The following WDR64 variants were observed in gnomAD, a reference collection of about 807,000 sequenced individuals.
WDR64 encodes the protein WD repeat domain 64, also known as WD repeat-containing protein 64.
WDR64 carries 112 observed loss-of-function variants against 139.3 expected under a neutral mutation model. That is an observed-to-expected ratio of 0.80 (90% CI 0.69 to 0.94). The LOEUF is 0.94. Ranked by LOEUF, WDR64 falls within the 40% of genes least tolerant of loss-of-function variation. The pLI is 0.00. For missense variants in WDR64, 1,206 were observed against 1,293.1 expected (o/e 0.93, Z 1.03); for synonymous variants, 444 against 437.7 (o/e 1.01, Z -0.18).
chr1:241,789,742 G>A (rs1208019990), intron 24 of WDR64, among the ~76,000 whole-genome samples: 9 of 152,092 alleles, frequency 5.9e-5, no homozygotes, highest in Non-Finnish European at 1.3e-4. Context: ...GAGGGTGGAG[G>A]GTGGGAGGAG....
chr1:241,766,108 A>G, intron 15 of WDR64, 110 bp from the exon 16 acceptor site: 1 of 1,002,900 alleles, frequency 1.0e-6, no homozygotes, highest in Non-Finnish European at 1.4e-6. Context: ...AAATATATAT[A>G]ATAAGGCATT....
At chr1:241,749,496 GC>G (rs1301352699) in intron 13 of WDR64, 50 bp from the exon 14 acceptor site, 4 of 1,576,308 alleles carry the variant, frequency 2.5e-6, no homozygotes, top group Middle Eastern at 3.5e-4. Flanking sequence ...GAAAAGCCAA[GC>G]TTTCTCTAAG....
intron 10 of WDR64, among the ~76,000 whole-genome samples, chr1:241,723,844 A>G (rs369612566): frequency 8.5e-5 from 13 of 152,152 alleles, no homozygotes; most frequent in African/African-American, 3.1e-4. Flanking sequence ...TATATTTGCA[A>G]ATAATGGGAT....
chr1:241,666,933 A>G (rs952447476), intron 2 of WDR64, among the ~76,000 whole-genome samples: 3 of 152,190 alleles, frequency 2.0e-5, no homozygotes, highest in African/African-American at 7.2e-5. Flanking sequence ...TAGAACCAAG[A>G]TTTGGACCCA....
chr1:241,673,332 A>G (rs1666315845), intron 3 of WDR64, among the ~76,000 whole-genome samples: 1 of 152,192 alleles, frequency 6.6e-6, no homozygotes, highest in Admixed American at 6.5e-5. Flanking sequence ...AAGTATAGTA[A>G]TAAAATTTAA....
chr1:241,772,982 A>C, intron 20 of WDR64, 51 bp downstream of exon 20: 1 of 1,510,008 alleles, frequency 6.6e-7, no homozygotes, highest in Non-Finnish European at 8.9e-7. Context: ...AAAGATAAAA[A>C]GAATCATTAA....
rs117618595 is a variant in WDR64, at chr1:241,790,017, A to G, written c.2892-574A>G. ...AGCGGTTTCCTAGTTCCTAATATAG[A>G]GTTTCCCCTCCCACTCCCCAAGGGC... On this transcript the variant is annotated intron_variant, in intron 24 of 27. Transcript: ENST00000437684. 8.8e-4 allele frequency among the ~76,000 whole-genome samples: 134 copies of G among 152,270 alleles called. 3 individuals carry two copies. In the East Asian group the frequency reaches 0.021, roughly 24 times the overall value.
intron 26 of WDR64, among the ~76,000 whole-genome samples, chr1:241,795,538 G>A (rs964023487): frequency 6.6e-6 from 1 of 152,160 alleles, no homozygotes; most frequent in Non-Finnish European, 1.5e-5. Flanking sequence ...CAACTACAGG[G>A]TAAAATCCAA....
chr1:241,781,646 T>C (rs1450507801), intron 22 of WDR64, among the ~76,000 whole-genome samples: 1 of 152,218 alleles, frequency 6.6e-6, no homozygotes, highest in Non-Finnish European at 1.5e-5. Context: ...TATAATTACA[T>C]ATACACACAT....
At chr1:241,771,929 TATAC>T (rs201661383) in intron 19 of WDR64, among the ~76,000 whole-genome samples, 2,220 of 51,940 alleles carry the variant, frequency 0.043, 56 homozygotes, top group African/African-American at 0.072. Context: ...TATACATACA[TATAC>T]ATACATACAT....
At chr1:241,768,139 T>A (rs888734347) in intron 16 of WDR64, among the ~76,000 whole-genome samples, 1 of 152,206 alleles carries the variant, frequency 6.6e-6, no homozygotes, top group Non-Finnish European at 1.5e-5. Flanking sequence ...TCCTCCTTGT[T>A]AAAGTGCCTT....
intron 25 of WDR64, among the ~76,000 whole-genome samples, chr1:241,791,740 G>T (rs1659221292): frequency 6.6e-6 from 1 of 151,976 alleles, no homozygotes; most frequent in African/African-American, 2.4e-5. Context: ...AGATAACACA[G>T]CATAATATGC....
At chr1:241,668,257 C>T (rs1257551379) in intron 2 of WDR64, among the ~76,000 whole-genome samples, 1 of 152,190 alleles carries the variant, frequency 6.6e-6, no homozygotes, top group Non-Finnish European at 1.5e-5. Context: ...CGCCTGTAAT[C>T]CCAGCACTTT....
chr1:241,721,668 A>G (rs1218247815), intron 9 of WDR64, among the ~76,000 whole-genome samples: 3 of 149,594 alleles, frequency 2.0e-5, no homozygotes, highest in Non-Finnish European at 1.5e-5. Context: ...AAGTTCTTTG[A>G]TGTTTTTATG....
chr1:241,714,202 T>C (rs919144750), intron 9 of WDR64, among the ~76,000 whole-genome samples: 5 of 152,052 alleles, frequency 3.3e-5, no homozygotes. Flanking sequence ...TTGCAAGACT[T>C]AAATGAGCAA....
intron 14 of WDR64, among the ~76,000 whole-genome samples, chr1:241,756,035 G>A (rs1670176416): frequency 6.6e-6 from 1 of 152,132 alleles, no homozygotes; most frequent in Admixed American, 6.5e-5. Flanking sequence ...GGATTTTCAT[G>A]GCTATACGGG....
At chr1:241,682,182 G>C (rs1666827309) in intron 6 of WDR64, among the ~76,000 whole-genome samples, 1 of 152,002 alleles carries the variant, frequency 6.6e-6, no homozygotes, top group Admixed American at 6.6e-5. Flanking sequence ...TTGGATTCTT[G>C]GTCATGAAAT....
rs66585415 is a variant in WDR64, at chr1:241,674,763, T to C, written c.483+16T>C. On this transcript the variant is annotated intron_variant, in intron 4 of 27. Coordinates refer to ENST00000437684, the MANE Select transcript of WDR64 (RefSeq NM_001367482.1). Reference sequence around the variant, plus strand: ...TAATAACCAGGTAATTTCTTTTTCTTTTTTTAACTGAATGACTCATTTTAC... The same window carrying C: ...TAATAACCAGGTAATTTCTTTTTCTCTTTTTAACTGAATGACTCATTTTAC... 1,018,896 of 1,473,286 alleles carry C rather than the reference T, an allele frequency of 0.69. 356,160 individuals carry two copies. Among genetic ancestry groups the C allele is most frequent in the Non-Finnish European group, 0.72 (775,674 of 1,081,938 alleles). The allele number at this position is 1,473,286 out of a possible 1,614,324, so 91.3% of individuals were successfully genotyped here.
chr1:241,721,522 T>C (rs1173600196), intron 9 of WDR64, among the ~76,000 whole-genome samples: 3 of 152,090 alleles, frequency 2.0e-5, no homozygotes, highest in Non-Finnish European at 4.4e-5. Flanking sequence ...CTCAATTCCA[T>C]TTTCTCAGAT....
Sources: gnomAD v4.1 joint callset for allele counts (sites outside exome capture counted in the v4.1 genomes callset) on GRCh38, gnomAD v4.1.1 for gene constraint, MANE v1.5 for transcripts, NCBI Gene and HGNC (gene_info 2026-07-23, HGNC 2026-07-21) for gene names.